Variants in PRKCE observed in about 807,000 individuals in gnomAD.
The protein encoded by PRKCE is protein kinase C epsilon type.
In PRKCE, 16 loss-of-function variants were observed where a neutral mutation model predicts 85.4. The ratio of observed to expected loss-of-function variants is 0.19; its 90% CI spans 0.13 to 0.28. PRKCE has a LOEUF of 0.28. PRKCE is among the 10% of genes least tolerant of loss of function. PRKCE has a pLI of 1.00. For missense variants in PRKCE, 573 were observed against 975.2 expected (o/e 0.59, Z 5.49); for synonymous variants, 388 against 371.5 (o/e 1.04, Z -0.51).
chr2:45,736,954 C>A (rs938660), intron 1 of PRKCE, among the ~76,000 whole-genome samples: 1 of 151,958 alleles, frequency 6.6e-6, no homozygotes, highest in East Asian at 1.9e-4. Context: ...ATGGGAATGA[C>A]TGGGGGAATG....
intron 14 of PRKCE, among the ~76,000 whole-genome samples, chr2:46,179,886 T>C (rs1034455851): frequency 2.0e-5 from 3 of 152,098 alleles, no homozygotes; most frequent in African/African-American, 7.2e-5. Flanking sequence ...AAACACCCCC[T>C]GACAGCACAG....
intron 1 of PRKCE, among the ~76,000 whole-genome samples, chr2:45,773,512 T>A (rs1306394187): frequency 6.6e-6 from 1 of 152,282 alleles, no homozygotes; most frequent in East Asian, 1.9e-4. Flanking sequence ...GAGGTAGGGT[T>A]GAGATTCACA....
At chr2:46,136,805 C>T (rs899251241) in intron 11 of PRKCE, among the ~76,000 whole-genome samples, 1 of 152,162 alleles carries the variant, frequency 6.6e-6, no homozygotes, top group African/African-American at 2.4e-5. Flanking sequence ...TCCCCAGTCC[C>T]GGGGAAAGGA....
At chr2:46,070,994 A>G (rs1668041796) in intron 10 of PRKCE, among the ~76,000 whole-genome samples, 1 of 152,236 alleles carries the variant, frequency 6.6e-6, no homozygotes, top group African/African-American at 2.4e-5. Context: ...TTTTCTAAGC[A>G]AACAAAAAGG....
intron 10 of PRKCE, among the ~76,000 whole-genome samples, chr2:46,014,484 AT>A (rs1326907130): frequency 2.0e-5 from 3 of 152,194 alleles, no homozygotes; most frequent in African/African-American, 7.2e-5. Context: ...AAAGACCAAA[AT>A]TTTTATATTT....
intron 13 of PRKCE, among the ~76,000 whole-genome samples, chr2:46,152,331 G>C (rs1488424482): frequency 6.7e-6 from 1 of 148,376 alleles, no homozygotes; most frequent in Admixed American, 6.7e-5. Flanking sequence ...ACAGGCACCC[G>C]CCATCATGCC....
At chr2:45,723,698 G>A (rs1011403189) in intron 1 of PRKCE, among the ~76,000 whole-genome samples, 1 of 152,102 alleles carries the variant, frequency 6.6e-6, no homozygotes, top group African/African-American at 2.4e-5. Context: ...TCCGCCTTCC[G>A]GTTTCAAGCG....
intron 2 of PRKCE, among the ~76,000 whole-genome samples, chr2:45,963,918 G>C (rs1036442085): frequency 6.6e-6 from 1 of 152,242 alleles, no homozygotes; most frequent in Non-Finnish European, 1.5e-5. Context: ...GTGCAGGCAC[G>C]TACCTTTGAG....
At chr2:45,886,393 A>G (rs1695306835) in intron 2 of PRKCE, among the ~76,000 whole-genome samples, 1 of 152,118 alleles carries the variant, frequency 6.6e-6, no homozygotes, top group Non-Finnish European at 1.5e-5. Flanking sequence ...AGAGCACACT[A>G]TGAGATTGTG....
chr2:45,667,583 G>A (rs181118829), intron 1 of PRKCE, among the ~76,000 whole-genome samples: 119 of 152,118 alleles, frequency 7.8e-4, no homozygotes, highest in Middle Eastern at 6.8e-3. Context: ...TTGCATGCAC[G>A]CACACACCTG....
Position 46,085,749 on chromosome 2 carries a change from GTTTTTGTTTTT to G in PRKCE, c.1438-453_1438-443del, listed in dbSNP as rs1558437608. 3.8e-3 allele frequency among the ~76,000 whole-genome samples: 70 copies of G among 18,662 alleles called. 9 individuals carry two copies. The highest frequency in any genetic ancestry group is 7.5e-3 in the African/African-American group (65 of 8,710). The allele number at this position is 18,662 out of a possible 152,430, so 12.2% of individuals were successfully genotyped here. A position where few individuals can be genotyped will look rare whatever the true frequency, so the allele number is the denominator to read the frequency against. On this transcript the variant is annotated intron_variant, in intron 10 of 14. Transcript: ENST00000306156. Reference sequence around the variant, plus strand: ...TCTGCAAAATCCGTTTTTTTTTTTTGTTTTTGTTTTTTTTTTTTTTTTTAGCCATATAAGGT... The same window carrying G: ...TCTGCAAAATCCGTTTTTTTTTTTTGTTTTTTTTTTTTAGCCATATAAGGT...
intron 1 of PRKCE, among the ~76,000 whole-genome samples, chr2:45,778,108 G>A (rs918887497): frequency 6.6e-6 from 1 of 151,648 alleles, no homozygotes; most frequent in African/African-American, 2.4e-5. Flanking sequence ...GGAAGAGTAA[G>A]GGTGGGAGGG....
At chr2:45,775,137 C>T (rs1355860056) in intron 1 of PRKCE, among the ~76,000 whole-genome samples, 1 of 152,070 alleles carries the variant, frequency 6.6e-6, no homozygotes, top group East Asian at 1.9e-4. Flanking sequence ...TACGTAATTG[C>T]CCCTCAAGCC....
rs1411406825 is a variant in PRKCE at position 46,139,920 on chromosome 2, A to C, written c.1593-5173A>C. On this transcript the variant is annotated intron_variant, in intron 11 of 14. Coordinates refer to ENST00000306156, the MANE Select transcript of PRKCE (RefSeq NM_005400.3). The surrounding 1 kb of genome is among the most constrained non-coding windows in gnomAD (Gnocchi z 5.2). ...TATGTGCCTGGCTTAAAAAATAGAA[A>C]GTAAATGTTCTCTTACAAAGGAAGA... Among the ~76,000 whole-genome samples the C allele has an allele frequency of 6.6e-6, 1 of 152,146 alleles. No homozygotes were observed. Among genetic ancestry groups the C allele is most frequent in the Non-Finnish European group, 1.5e-5 (1 of 68,030 alleles).
intron 10 of PRKCE, among the ~76,000 whole-genome samples, chr2:46,037,296 G>A (rs1707926945): frequency 2.6e-5 from 4 of 152,328 alleles, no homozygotes; most frequent in African/African-American, 9.6e-5. Context: ...AGGCGTACTG[G>A]CGCTGAAGAT....
chr2:45,778,549 C>G (rs1359495700), intron 1 of PRKCE, among the ~76,000 whole-genome samples: 2 of 152,084 alleles, frequency 1.3e-5, no homozygotes, highest in Non-Finnish European at 2.9e-5. Context: ...CGTCCCTACC[C>G]CACACACATC....
chr2:46,059,804 A>G (rs1666939119), intron 10 of PRKCE, among the ~76,000 whole-genome samples: 1 of 151,898 alleles, frequency 6.6e-6, no homozygotes, highest in Non-Finnish European at 1.5e-5. Flanking sequence ...ATATAGTGAG[A>G]CCCCTGTCTC....
At chr2:46,078,371 T>TA (rs11387144) in intron 10 of PRKCE, 42,343 of 128,044 alleles carry the variant, frequency 0.33, 7,668 homozygotes, top group African/African-American at 0.49. Context: ...CTCTTGTCTC[T>TA]AAAAAAAAAA....
At chr2:45,899,428 T>G (rs1033683149) in intron 2 of PRKCE, among the ~76,000 whole-genome samples, 3 of 151,726 alleles carry the variant, frequency 2.0e-5, no homozygotes, top group African/African-American at 7.3e-5. Flanking sequence ...TTGCCCAGGC[T>G]AGAGTGCAGT....
Sources: allele counts gnomAD v4.1 joint callset (sites outside exome capture counted in the v4.1 genomes callset), GRCh38; gene constraint gnomAD v4.1.1; non-coding constraint Gnocchi (gnomAD v3.1); transcripts MANE v1.5; gene names NCBI Gene and HGNC (gene_info 2026-07-23, HGNC 2026-07-21).